Variants in EPHA6 observed in about 807,000 individuals in gnomAD.
EPHA6 encodes the protein ephrin type-A receptor 6.
EPHA6 carries 50 observed loss-of-function variants against 112.0 expected under a neutral mutation model. That is an observed-to-expected ratio of 0.45 (90% confidence interval 0.36 to 0.56). The LOEUF is 0.56. EPHA6 is among the 20% of genes least tolerant of loss of function. The pLI, the probability that EPHA6 is intolerant of heterozygous loss-of-function variation, is 0.00. For missense variants in EPHA6, 1,280 were observed against 1,417.4 expected, an observed-to-expected ratio of 0.90 and a Z score of 1.56; for synonymous variants, 529 against 490.7, an observed-to-expected ratio of 1.08 and a Z score of -1.03.
Position 96,967,288 on chromosome 3 carries a change from A to G in EPHA6, c.451-20042A>G, listed in dbSNP as rs996202906. On this transcript the variant is annotated intron_variant, in intron 2 of 17. Coordinates refer to ENST00000389672, the MANE Select transcript of EPHA6 (RefSeq NM_001080448.3). ...TATTATATACAACTTAATGTATTACATTATATAATATATGATATATTACTG... is the reference window on the plus strand; with the variant it reads ...TATTATATACAACTTAATGTATTACGTTATATAATATATGATATATTACTG... Among the ~76,000 whole-genome samples the G allele has an allele frequency of 3.3e-5, 5 of 150,070 alleles. No homozygotes were observed. In the East Asian group the frequency reaches 9.7e-4, roughly 29 times the overall value.
rs547816429 is a variant in EPHA6, at chr3:96,941,419, G to A, written c.451-45911G>A. On this transcript the variant is annotated intron_variant, in intron 2 of 17. Transcript: ENST00000389672. ...CTCCTGAGGCTTCTGCATTCTTCAC[G>A]TAGTTCTCGAGCCTTGGCTTTCAGC... Among the ~76,000 whole-genome samples, 22 of 152,024 alleles carry A rather than the reference G, an allele frequency of 1.4e-4. No individual in the cohort carries two copies. In the South Asian group the frequency reaches 2.7e-3, roughly 19 times the overall value.
intron 3 of EPHA6, among the ~76,000 whole-genome samples, chr3:96,997,404 A>G (rs767653827): frequency 1.2e-4 from 19 of 152,010 alleles, no homozygotes; most frequent in Non-Finnish European, 2.2e-4. Flanking sequence ...ACTAAGTTTA[A>G]TCATTTGTAG....
intron 5 of EPHA6, among the ~76,000 whole-genome samples, chr3:97,384,054 T>C (rs1158696446): frequency 6.6e-6 from 1 of 152,186 alleles, no homozygotes; most frequent in Non-Finnish European, 1.5e-5. Context: ...AGTTTTTTTC[T>C]AGATTTATAA....
intron 14 of EPHA6, chr3:97,648,607 G>A: frequency 8.8e-7 from 1 of 1,142,532 alleles, no homozygotes; most frequent in South Asian, 4.1e-5. Context: ...TCATTAACAT[G>A]AGTAAATGGG....
intron 5 of EPHA6, among the ~76,000 whole-genome samples, chr3:97,250,524 C>T (rs199598808): frequency 2.0e-5 from 3 of 151,982 alleles, no homozygotes; most frequent in East Asian, 1.9e-4. Flanking sequence ...TTTATCTGTA[C>T]GAATTAAAAA....
intron 14 of EPHA6, among the ~76,000 whole-genome samples, chr3:97,662,697 C>T (rs990472473): frequency 6.6e-6 from 1 of 152,150 alleles, no homozygotes; most frequent in Non-Finnish European, 1.5e-5. Flanking sequence ...TTATGGCATA[C>T]CCCTAGCATC....
chr3:97,000,014 T>C (rs2043581702), intron 3 of EPHA6, among the ~76,000 whole-genome samples: 1 of 151,884 alleles, frequency 6.6e-6, no homozygotes, highest in Non-Finnish European at 1.5e-5. Context: ...CATCTGTTCC[T>C]GGAAATATTA....
Position 96,983,153 on chromosome 3 carries a change from G to A in EPHA6, c.451-4177G>A, listed in dbSNP as rs192826946. Among the ~76,000 whole-genome samples the A allele has an allele frequency of 5.5e-3, 834 of 152,230 alleles. 7 individuals carry two copies. Among genetic ancestry groups the A allele is most frequent in the African/African-American group, 0.02 (812 of 41,536 alleles). On this transcript the variant is annotated intron_variant, in intron 2 of 17. Transcript: ENST00000389672. The stretch of plus-strand genomic sequence containing the variant: ...ATGCAGTTTCTTCCTAGCCTCGATG[G>A]TCTTTACAATCTGGCATGTTTTTGC...
chr3:97,535,049 G>GAC lies in EPHA6; in HGVS notation c.2386+2523_2386+2524dup, dbSNP rs3033947. ...ACACATCTATCCTTTCTCAATCACA[G>GAC]ACACACACACACACACACGAAAAGG... On this transcript the variant is annotated intron_variant, in intron 11 of 17. Transcript: ENST00000389672. Among the ~76,000 whole-genome samples, 462 of 150,136 alleles carry GAC rather than the reference G, an allele frequency of 3.1e-3. 4 individuals are homozygous for GAC. The highest frequency in any genetic ancestry group is 8.7e-3 in the South Asian group (41 of 4,720).
chr3:97,147,424 A>C (rs1209366576), intron 3 of EPHA6, among the ~76,000 whole-genome samples: 8 of 151,960 alleles, frequency 5.3e-5, no homozygotes, highest in Admixed American at 5.3e-4. Context: ...AGAGGAAAGG[A>C]ACCACATTTT....
At chr3:97,436,448 A>C (rs1431803428) in intron 6 of EPHA6, among the ~76,000 whole-genome samples, 7 of 152,190 alleles carry the variant, frequency 4.6e-5, no homozygotes, top group African/African-American at 1.2e-4. Flanking sequence ...TTAAATGGGA[A>C]AAAGTGAAAA....
At chr3:97,285,036 G>A (rs77157379) in intron 5 of EPHA6, among the ~76,000 whole-genome samples, 3 of 152,116 alleles carry the variant, frequency 2.0e-5, no homozygotes, top group South Asian at 4.2e-4. Context: ...TCAAAAACTT[G>A]TTCAGCCTCT....
chr3:97,451,479 A>T (rs2090528573), intron 7 of EPHA6, among the ~76,000 whole-genome samples: 1 of 151,798 alleles, frequency 6.6e-6, no homozygotes, highest in South Asian at 2.1e-4. Flanking sequence ...TGAAGAGATA[A>T]AATGTCTGAG....
chr3:97,407,347 AACAC>A (rs34259097), intron 6 of EPHA6, among the ~76,000 whole-genome samples: 156 of 147,320 alleles, frequency 1.1e-3, no homozygotes, highest in Middle Eastern at 3.5e-3. Flanking sequence ...ACTGAAATTA[AACAC>A]ACACACACAC....
intron 2 of EPHA6, among the ~76,000 whole-genome samples, chr3:96,902,406 T>C (rs1328554362): frequency 6.6e-6 from 1 of 152,174 alleles, no homozygotes; most frequent in African/African-American, 2.4e-5. Flanking sequence ...AAACTACTAT[T>C]ACCTCTTTGG....
chr3:97,663,780 T>A (rs2094186545), intron 14 of EPHA6, among the ~76,000 whole-genome samples: 1 of 152,296 alleles, frequency 6.6e-6, no homozygotes, highest in South Asian at 2.1e-4. Flanking sequence ...TTGTGAATAG[T>A]GTCACAATAA....
At chr3:96,880,038 C>T (rs1167781094) in intron 2 of EPHA6, among the ~76,000 whole-genome samples, 1 of 151,908 alleles carries the variant, frequency 6.6e-6, no homozygotes, top group Non-Finnish European at 1.5e-5. Context: ...ACTAAAAGCC[C>T]AGACTTCACC....
At chr3:97,711,710 T>C (rs550266881) in intron 14 of EPHA6, among the ~76,000 whole-genome samples, 1 of 152,238 alleles carries the variant, frequency 6.6e-6, no homozygotes, top group Non-Finnish European at 1.5e-5. Context: ...CCTCAGTAGA[T>C]TGGATGATAC....
chr3:97,565,880 G>A (rs2093258303), intron 11 of EPHA6, among the ~76,000 whole-genome samples: 1 of 152,020 alleles, frequency 6.6e-6, no homozygotes, highest in Non-Finnish European at 1.5e-5. Context: ...AGCTGGGTGT[G>A]GTGGCGCCTG....
Sources: gnomAD v4.1 joint callset for allele counts (sites outside exome capture counted in the v4.1 genomes callset) on GRCh38, gnomAD v4.1.1 for gene constraint, MANE v1.5 for transcripts, NCBI Gene and HGNC (gene_info 2026-07-23, HGNC 2026-07-21) for gene names.